ATP2B2: variants seen among roughly 807,000 people sequenced by gnomAD.
The protein encoded by ATP2B2 is ATPase plasma membrane Ca2+ transporting 2.
In ATP2B2, 15 loss-of-function variants were observed where a neutral mutation model predicts 120.0. The ratio of observed to expected loss-of-function variants is 0.12; its 90% CI spans 0.08 to 0.19. The LOEUF is 0.19. Among genes scored for constraint, ATP2B2 ranks in the 10% least tolerant of loss-of-function variants. ATP2B2 has a pLI of 1.00. For missense variants in ATP2B2, 1,045 were observed against 1,719.8 expected (o/e 0.61, Z 6.94); for synonymous variants, 694 against 700.3 (o/e 0.99, Z 0.14).
intron 1 of ATP2B2, among the ~76,000 whole-genome samples, chr3:10,652,668 G>A (rs1048453512): frequency 5.3e-5 from 8 of 152,128 alleles, no homozygotes; most frequent in African/African-American, 1.9e-4. Context: ...CATGTTTGTG[G>A]CAGCATTATT....
chr3:10,590,568 C>A (rs970191230), intron 2 of ATP2B2, among the ~76,000 whole-genome samples: 3 of 152,196 alleles, frequency 2.0e-5, no homozygotes, highest in African/African-American at 7.2e-5. Flanking sequence ...GACAGCCCAG[C>A]CTTTCCCCTC....
chr3:10,388,227 A>G (rs768674526), intron 6 of ATP2B2, 50 bp downstream of exon 6: 2 of 1,613,478 alleles, frequency 1.2e-6, no homozygotes, highest in Admixed American at 1.7e-5. Flanking sequence ...ACAAAAAAAA[A>G]ATGTGGCCTT....
intron 2 of ATP2B2, among the ~76,000 whole-genome samples, chr3:10,596,905 C>T (rs1395305251): frequency 6.6e-6 from 1 of 152,256 alleles, no homozygotes; most frequent in African/African-American, 2.4e-5. Context: ...CAGGCACACT[C>T]TCTATGAGGA....
chr3:10,669,982 A>G (rs2071052848), intron 1 of ATP2B2, among the ~76,000 whole-genome samples: 1 of 152,248 alleles, frequency 6.6e-6, no homozygotes, highest in African/African-American at 2.4e-5. Context: ...AAAGTCAGGC[A>G]TCTGGACTCA....
At chr3:10,486,332 T>TGTGC (rs1559398837) in intron 1 of ATP2B2, among the ~76,000 whole-genome samples, 2 of 17,530 alleles carry the variant, frequency 1.1e-4, no homozygotes, top group African/African-American at 1.7e-4. Context: ...TGCGTGTGTG[T>TGTGC]GTGTGTGTGT....
chr3:10,340,483 G>T lies in ATP2B2; in HGVS notation c.3129+10C>A, dbSNP rs1314251304. 1.2e-6 allele frequency: 2 copies of T among 1,614,090 alleles called. No homozygotes were observed. The highest frequency in any genetic ancestry group is 1.7e-6 in the Non-Finnish European group (2 of 1,180,020). ...CACCCCGGGCCTGGTTAGGGTGGGG[G>T]CCTCACTACCTGGATGGCAAAGGTG... On this transcript the variant is annotated intron_variant, in intron 20 of 22. Transcript: ENST00000360273. The surrounding 1 kb of genome is among the most constrained non-coding windows in gnomAD (Gnocchi z 5.0).
intron 14 of ATP2B2, among the ~76,000 whole-genome samples, chr3:10,356,062 G>A (rs1271919451): frequency 2.5e-4 from 4 of 15,860 alleles, no homozygotes; most frequent in Admixed American, 1.7e-3. Flanking sequence ...GCGACAGAGC[G>A]AGACTCCGTC....
intron 1 of ATP2B2, among the ~76,000 whole-genome samples, chr3:10,652,821 C>T (rs146332062): frequency 5.5e-4 from 83 of 152,280 alleles, no homozygotes; most frequent in Admixed American, 7.8e-4. Context: ...GGATGTTATG[C>T]TGAGTGAAAT....
rs77385091 is a variant in ATP2B2 at position 10,385,730 on chromosome 3, G to A, written c.941-403C>T. On this transcript the variant is annotated intron_variant, in intron 7 of 22. Coordinates refer to ENST00000360273, the MANE Select transcript of ATP2B2 (RefSeq NM_001001331.4). ...AAAAATATTCACTAGGCAGTGCAGC[G>A]TGGGCACGGACCACTCAGAATGAGT... 8.3e-3 allele frequency among the ~76,000 whole-genome samples: 1,265 copies of A among 152,310 alleles called. 2 individuals are homozygous for A. Among genetic ancestry groups the A allele is most frequent in the Non-Finnish European group, 0.014 (971 of 68,024 alleles).
At chr3:10,412,156 G>C (rs1262061565) in intron 2 of ATP2B2, among the ~76,000 whole-genome samples, 1 of 152,218 alleles carries the variant, frequency 6.6e-6, no homozygotes, top group African/African-American at 2.4e-5. Flanking sequence ...TGCCCATGCT[G>C]TGCCCTTCCC....
At chr3:10,442,098 C>G (rs992350378) in intron 2 of ATP2B2, among the ~76,000 whole-genome samples, 1 of 152,166 alleles carries the variant, frequency 6.6e-6, no homozygotes, top group Non-Finnish European at 1.5e-5. Flanking sequence ...TCCCAGGGAA[C>G]AATGTGTTGG....
chr3:10,649,608 T>C lies in ATP2B2; in HGVS notation c.-459-29647A>G, dbSNP rs866644796. Among the ~76,000 whole-genome samples, 5 of 152,226 alleles carry C rather than the reference T, an allele frequency of 3.3e-5. No individual in the cohort carries two copies. The South Asian group carries it at 6.2e-4, about 19-fold the overall frequency. On this transcript the variant is annotated intron_variant, in intron 1 of 21. Transcript: ENST00000646379. ...CAGCTCAGGAAGGGAGGGGATGAGA[T>C]GGATGGGTGAATGGACAGATGGGTG...
chr3:10,332,679 G>T (rs576002560), intron 22 of ATP2B2, among the ~76,000 whole-genome samples: 90 of 152,292 alleles, frequency 5.9e-4, no homozygotes, highest in Admixed American at 2.4e-3. Context: ...GTGGCTCCAG[G>T]TCTGTGGGCC....
chr3:10,371,153 C>T (rs997148539), intron 12 of ATP2B2, among the ~76,000 whole-genome samples: 1 of 152,238 alleles, frequency 6.6e-6, no homozygotes, highest in South Asian at 2.1e-4. Context: ...CTGACTTACA[C>T]TGGCCAAGAG....
intron 2 of ATP2B2, among the ~76,000 whole-genome samples, chr3:10,425,409 A>G (rs981766398): frequency 2.6e-5 from 4 of 152,190 alleles, no homozygotes; most frequent in Admixed American, 6.5e-5. Flanking sequence ...GTCTGTTTCC[A>G]TATAACCTTT....
At chr3:10,594,868 G>A (rs1362005380) in intron 2 of ATP2B2, among the ~76,000 whole-genome samples, 1 of 152,192 alleles carries the variant, frequency 6.6e-6, no homozygotes, top group Admixed American at 6.5e-5. Context: ...TTTTATAGAT[G>A]AGGAAATGGA....
chr3:10,377,342 C>T (rs2061409922), intron 10 of ATP2B2, among the ~76,000 whole-genome samples: 1 of 151,568 alleles, frequency 6.6e-6, no homozygotes, highest in East Asian at 1.9e-4. Context: ...AGCCAAGCTC[C>T]CAGCTAGCCG....
intron 1 of ATP2B2, among the ~76,000 whole-genome samples, chr3:10,676,931 G>A (rs1428931741): frequency 6.6e-6 from 1 of 152,212 alleles, no homozygotes; most frequent in Admixed American, 6.5e-5. Context: ...TGAGGAGGTA[G>A]AGCAACAGGA....
At chr3:10,488,560 C>T (rs1401350920) in intron 1 of ATP2B2, among the ~76,000 whole-genome samples, 2 of 149,952 alleles carry the variant, frequency 1.3e-5, no homozygotes, top group Non-Finnish European at 3.0e-5. Flanking sequence ...TCCTTCCTTC[C>T]TTCCGTGGTT....
Sources: gnomAD v4.1 joint callset for allele counts (sites outside exome capture counted in the v4.1 genomes callset) on GRCh38, gnomAD v4.1.1 for gene constraint, Gnocchi (gnomAD v3.1) non-coding constraint, MANE v1.5 for transcripts, NCBI Gene and HGNC (gene_info 2026-07-23, HGNC 2026-07-21) for gene names.